Variants in LRFN2 observed in about 807,000 individuals in gnomAD.
The protein encoded by LRFN2 is leucine rich repeat and fibronectin type III domain containing 2.
In LRFN2, 18 loss-of-function variants were observed where a neutral mutation model predicts 37.3. The ratio of observed to expected loss-of-function variants is 0.48; its 90% CI spans 0.33 to 0.72. The LOEUF (loss-of-function observed/expected upper bound fraction) is 0.72, where lower values mean the gene tolerates loss of function less well. LRFN2 is among the 30% of genes least tolerant of loss of function. The pLI, the probability that LRFN2 is intolerant of heterozygous loss-of-function variation, is 0.02. For missense variants in LRFN2, 1,006 were observed against 1,060.7 expected (o/e 0.95, Z 0.72); for synonymous variants, 556 against 466.6 (o/e 1.19, Z -2.47).
rs534082194 is a variant in LRFN2 at position 40,460,347 on chromosome 6, T to C, written c.-18-27216A>G. 2.0e-5 allele frequency among the ~76,000 whole-genome samples: 3 copies of C among 152,314 alleles called. No individual in the cohort carries two copies. In the East Asian group the frequency reaches 5.8e-4, roughly 29 times the overall value. On this transcript the variant is annotated intron_variant, in intron 1 of 2. Transcript: ENST00000338305. ...GTCCCCTGCAGATGGAAGAGATGCT[T>C]CTTTAATTCCCAGACCCGGATTTGC...
At chr6:40,512,533 G>A (rs1765737397) in intron 1 of LRFN2, among the ~76,000 whole-genome samples, 1 of 152,190 alleles carries the variant, frequency 6.6e-6, no homozygotes, top group Non-Finnish European at 1.5e-5. Flanking sequence ...TGTGCCCCCA[G>A]GCCAGGCCAA....
chr6:40,434,447 T>C (rs1763592606), intron 1 of LRFN2, among the ~76,000 whole-genome samples: 1 of 152,152 alleles, frequency 6.6e-6, no homozygotes, highest in African/African-American at 2.4e-5. Context: ...TGTAGCATTA[T>C]GCAGACCAGC....
At chr6:40,479,415 C>T (rs903190406) in intron 1 of LRFN2, among the ~76,000 whole-genome samples, 1 of 152,220 alleles carries the variant, frequency 6.6e-6, no homozygotes. Flanking sequence ...AGTGCCAGCT[C>T]TGACACTAGA....
intron 2 of LRFN2, among the ~76,000 whole-genome samples, chr6:40,412,793 A>T (rs1468266135): frequency 6.6e-6 from 1 of 152,234 alleles, no homozygotes; most frequent in Non-Finnish European, 1.5e-5. Flanking sequence ...GGGACAGAGC[A>T]AACAGTAAAC....
intron 1 of LRFN2, among the ~76,000 whole-genome samples, chr6:40,576,819 AC>A (rs1230644873): frequency 6.6e-6 from 1 of 151,700 alleles, no homozygotes; most frequent in African/African-American, 2.4e-5. Flanking sequence ...GTCGGGTCCC[AC>A]CCCCAGCTCT....
chr6:40,430,874 C>A (rs1336942269), intron 2 of LRFN2, among the ~76,000 whole-genome samples: 1 of 152,162 alleles, frequency 6.6e-6, no homozygotes, highest in Non-Finnish European at 1.5e-5. Flanking sequence ...AGCTCTTCTC[C>A]CTCTAGGGCT....
At chr6:40,530,742 G>T (rs556951271) in intron 1 of LRFN2, among the ~76,000 whole-genome samples, 28 of 152,000 alleles carry the variant, frequency 1.8e-4, no homozygotes, top group Non-Finnish European at 3.7e-4. Context: ...TCAGTTCTAT[G>T]CTTCTACCAG....
intron 1 of LRFN2, among the ~76,000 whole-genome samples, chr6:40,493,706 A>G (rs1382049338): frequency 6.6e-6 from 1 of 152,126 alleles, no homozygotes; most frequent in African/African-American, 2.4e-5. Flanking sequence ...TCTGCCTCTC[A>G]ACTAGACTGA....
intron 1 of LRFN2, among the ~76,000 whole-genome samples, chr6:40,439,721 G>A (rs1401884461): frequency 6.6e-6 from 1 of 152,138 alleles, no homozygotes; most frequent in African/African-American, 2.4e-5. Flanking sequence ...CCTTTCCAAA[G>A]CCACCATGTA....
intron 1 of LRFN2, among the ~76,000 whole-genome samples, chr6:40,507,485 A>AGATC (rs1765576147): frequency 1.3e-5 from 2 of 152,214 alleles, no homozygotes; most frequent in South Asian, 4.1e-4. Flanking sequence ...CAAGTGACAT[A>AGATC]GATCGTATAA....
chr6:40,509,608 A>T (rs56219950), intron 1 of LRFN2, among the ~76,000 whole-genome samples: 392 of 148,046 alleles, frequency 2.6e-3, no homozygotes, highest in Non-Finnish European at 3.8e-3. Context: ...ATATTGGGCT[A>T]TGAAGGTAAG....
intron 1 of LRFN2, among the ~76,000 whole-genome samples, chr6:40,510,910 C>T (rs2113886447): frequency 6.6e-6 from 1 of 152,066 alleles, no homozygotes; most frequent in Non-Finnish European, 1.5e-5. Flanking sequence ...TAGGCCAATG[C>T]TGGAGGGGTG....
At chr6:40,471,745 C>G (rs533328317) in intron 1 of LRFN2, among the ~76,000 whole-genome samples, 2 of 152,322 alleles carry the variant, frequency 1.3e-5, no homozygotes, top group Admixed American at 1.3e-4. Flanking sequence ...ATCCTCCAGA[C>G]CAGCCAGGAA....
chr6:40,409,621 G>A (rs980519345), intron 2 of LRFN2, among the ~76,000 whole-genome samples: 2 of 152,214 alleles, frequency 1.3e-5, no homozygotes, highest in East Asian at 1.9e-4. Flanking sequence ...TCTGTCAAAC[G>A]GGAATGAGAA....
intron 1 of LRFN2, among the ~76,000 whole-genome samples, chr6:40,464,626 C>T (rs1406861842): frequency 6.6e-6 from 1 of 152,224 alleles, no homozygotes; most frequent in Non-Finnish European, 1.5e-5. Flanking sequence ...CAAGCAGACT[C>T]TGTTGGGTGT....
intron 2 of LRFN2, among the ~76,000 whole-genome samples, chr6:40,431,114 T>A (rs1197877008): frequency 2.6e-5 from 4 of 152,044 alleles, no homozygotes; most frequent in Non-Finnish European, 4.4e-5. Flanking sequence ...CTTTTTTTTT[T>A]AAAAGCCAGT....
intron 1 of LRFN2, among the ~76,000 whole-genome samples, chr6:40,486,442 G>A (rs1581742375): frequency 6.6e-6 from 1 of 152,164 alleles, no homozygotes; most frequent in South Asian, 2.1e-4. Context: ...ATTCCTTGGG[G>A]AATTCGGCAG....
At chr6:40,469,299 C>A (rs1764543175) in intron 1 of LRFN2, among the ~76,000 whole-genome samples, 1 of 152,286 alleles carries the variant, frequency 6.6e-6, no homozygotes, top group African/African-American at 2.4e-5. Flanking sequence ...GACTTCAGGC[C>A]CTCAGGACTA....
At chr6:40,484,315 G>A (rs4711637) in intron 1 of LRFN2, among the ~76,000 whole-genome samples, 9,614 of 152,214 alleles carry the variant, frequency 0.063, 376 homozygotes, top group South Asian at 0.12. Context: ...TGTGATCAGC[G>A]GCTAGTCTCT....
Sources: allele counts gnomAD v4.1 joint callset (sites outside exome capture counted in the v4.1 genomes callset), GRCh38; gene constraint gnomAD v4.1.1; transcripts MANE v1.5; gene names NCBI Gene and HGNC (gene_info 2026-07-23, HGNC 2026-07-21).